Variants in C7orf78 observed in about 807,000 individuals in gnomAD.
The protein encoded by C7orf78 is putative uncharacterized protein C7orf78.
the C7orf78 span, among the ~76,000 whole-genome samples, chr7:12,515,916 A>G: frequency 6.6e-6 from 1 of 152,196 alleles, no homozygotes; most frequent in Non-Finnish European, 1.5e-5. Context: ...CAGTTTTATA[A>G]GGGAAGCAGA....
At chr7:12,496,362 A>T in the C7orf78 span, 1 of 152,254 alleles carries the variant, frequency 6.6e-6, no homozygotes. Flanking sequence ...TAATGTTTAC[A>T]TATTAGAAAA....
the C7orf78 span, among the ~76,000 whole-genome samples, chr7:12,497,667 A>ATG: frequency 1.2e-4 from 18 of 151,906 alleles, no homozygotes; most frequent in African/African-American, 3.6e-4. Context: ...AGGGGCGCCC[A>ATG]CCATTGCCCA....
chr7:12,533,335 G>T, the C7orf78 span, among the ~76,000 whole-genome samples: 5 of 151,646 alleles, frequency 3.3e-5, no homozygotes, highest in East Asian at 9.7e-4. Flanking sequence ...TGAGTAGCTG[G>T]GATTACAGGT....
At chr7:12,484,174 A>T in the C7orf78 span, among the ~76,000 whole-genome samples, 199 of 152,324 alleles carry the variant, frequency 1.3e-3, no homozygotes, top group Middle Eastern at 0.01. Context: ...TTGTTTTTCA[A>T]ATTGGGCTAA....
chr7:12,512,212 T>G, the C7orf78 span, among the ~76,000 whole-genome samples: 1 of 152,172 alleles, frequency 6.6e-6, no homozygotes, highest in Non-Finnish European at 1.5e-5. Context: ...TGGCTAAGAC[T>G]TCCAGTATTT....
chr7:12,516,498 T>C, the C7orf78 span, among the ~76,000 whole-genome samples: 1 of 152,218 alleles, frequency 6.6e-6, no homozygotes, highest in South Asian at 2.1e-4. Context: ...CACTGGGGCA[T>C]GGCCTACTAG....
chr7:12,490,220 C>A, the C7orf78 span, among the ~76,000 whole-genome samples: 1 of 152,078 alleles, frequency 6.6e-6, no homozygotes, highest in African/African-American at 2.4e-5. Flanking sequence ...TCTGATGTAA[C>A]TGAAGTTCAG....
At chr7:12,495,995 G>A in the C7orf78 span, among the ~76,000 whole-genome samples, 259 of 151,740 alleles carry the variant, frequency 1.7e-3, 1 homozygote, top group Non-Finnish European at 2.2e-3. Flanking sequence ...GCGTGATCTC[G>A]GCTCACTGCA....
chr7:12,491,746 T>C, the C7orf78 span: 4 of 152,246 alleles, frequency 2.6e-5, no homozygotes, highest in African/African-American at 2.4e-5. Context: ...ATGGATCTCA[T>C]GGCTTTAGAA....
At chr7:12,525,624 A>G in the C7orf78 span, among the ~76,000 whole-genome samples, 1 of 152,132 alleles carries the variant, frequency 6.6e-6, no homozygotes, top group Non-Finnish European at 1.5e-5. Flanking sequence ...TGAATTGTTT[A>G]TACACTATTT....
At chr7:12,501,341 C>A in the C7orf78 span, among the ~76,000 whole-genome samples, 2 of 147,290 alleles carry the variant, frequency 1.4e-5, no homozygotes, top group Non-Finnish European at 3.0e-5. Context: ...CCCATTGTCT[C>A]AGCCCAAAAT....
chr7:12,515,615 A>C, the C7orf78 span, among the ~76,000 whole-genome samples: 1 of 152,198 alleles, frequency 6.6e-6, no homozygotes, highest in Non-Finnish European at 1.5e-5. Context: ...AAATGTGTGA[A>C]AGTTTGGAAA....
At chr7:12,498,246 C>T in the C7orf78 span, among the ~76,000 whole-genome samples, 1 of 152,062 alleles carries the variant, frequency 6.6e-6, no homozygotes, top group Non-Finnish European at 1.5e-5. Context: ...ATGACTTTGA[C>T]GAGCTGAGAG....
At chr7:12,512,701 T>A in the C7orf78 span, among the ~76,000 whole-genome samples, 10 of 152,220 alleles carry the variant, frequency 6.6e-5, no homozygotes. Context: ...AATGCTGATC[T>A]TGTAGAATGA....
At chr7:12,536,121 G>C in the C7orf78 span, among the ~76,000 whole-genome samples, 9 of 152,146 alleles carry the variant, frequency 5.9e-5, no homozygotes, top group Admixed American at 5.9e-4. Flanking sequence ...TCTGTGTGGG[G>C]GCTCCCACAG....
At chr7:12,502,355 G>T in the C7orf78 span, among the ~76,000 whole-genome samples, 3 of 146,408 alleles carry the variant, frequency 2.0e-5, no homozygotes, top group African/African-American at 7.6e-5. Flanking sequence ...CTAATATCCA[G>T]AATCTACAAT....
chr7:12,532,601 C>G, the C7orf78 span, among the ~76,000 whole-genome samples: 1 of 151,558 alleles, frequency 6.6e-6, no homozygotes, highest in African/African-American at 2.4e-5. Context: ...CATACCCTAT[C>G]TGCCTGATTA....
At chr7:12,523,172 C>G in the C7orf78 span, 1 of 398,254 alleles carries the variant, frequency 2.5e-6, no homozygotes, top group African/African-American at 2.1e-5. Flanking sequence ...TAGCTACAAA[C>G]TGTATACATC....
chr7:12,491,724 A>C, the C7orf78 span: 1 of 152,226 alleles, frequency 6.6e-6, no homozygotes, highest in Admixed American at 6.5e-5. Flanking sequence ...AAGCACACTC[A>C]TCGGATGCAA....
Sources: allele counts gnomAD v4.1 joint callset (sites outside exome capture counted in the v4.1 genomes callset), GRCh38; gene constraint gnomAD v4.1.1; transcripts MANE v1.5; gene names NCBI Gene and HGNC (gene_info 2026-07-23, HGNC 2026-07-21).